UQCC1: variants seen among roughly 807,000 people sequenced by gnomAD.
The protein encoded by UQCC1 is ubiquinol-cytochrome c reductase complex assembly factor 1, also known as bFGF-repressed Zic-binding protein.
In UQCC1, 38 loss-of-function variants were observed where a neutral mutation model predicts 48.0. The ratio of observed to expected loss-of-function variants is 0.79; its 90% CI spans 0.61 to 1.04. The LOEUF (loss-of-function observed/expected upper bound fraction) is 1.04, where lower values mean the gene tolerates loss of function less well. Among genes scored for constraint, UQCC1 ranks in the 50% least tolerant of loss-of-function variants. The pLI is 0.00. For missense variants in UQCC1, 368 were observed against 381.8 expected (o/e 0.96, Z 0.30); for synonymous variants, 111 against 129.2 (o/e 0.86, Z 0.95).
chr20:35,403,024 G>A lies in UQCC1; in HGVS notation c.25-8828C>T, dbSNP rs1414027341. ...GGAGGTTGCAGTGACCTGAGATCGC[G>A]CCATTGCACTCCAGCCTAGGGGACA... On this transcript the variant is annotated intron_variant, in intron 1 of 9. Coordinates refer to ENST00000374385, the MANE Select transcript of UQCC1 (RefSeq NM_018244.5). Among the ~76,000 whole-genome samples the A allele has an allele frequency of 3.3e-5, 5 of 151,032 alleles. 1 individual carries two copies. Among genetic ancestry groups the A allele is most frequent in the South Asian group, 2.1e-4 (1 of 4,786 alleles).
chr20:35,345,483 TGA>T (rs1314024337), intron 7 of UQCC1: 2 of 152,174 alleles, frequency 1.3e-5, no homozygotes, highest in Middle Eastern at 3.4e-3. Context: ...TGTAATTGAG[TGA>T]GAGAGCTGAA....
Position 35,306,724 on chromosome 20 carries a change from T to C in UQCC1, c.707A>G (p.Asn236Ser), listed in dbSNP as rs371771638. The C allele has an allele frequency of 1.1e-5, 17 of 1,613,866 alleles. No individual in the cohort carries two copies. In the African/African-American group the frequency reaches 1.1e-4, roughly 10 times the overall value. ...ATGTCGAGGGTCTTCACATTTCCGG[T>C]TGAAGAAGGTTCTCCAGAGGGCAGC... ...LAAALWRTFF[N>S]RKCEDPRHLE... Residue 236 changes from asparagine (N) to serine (S), a missense_variant, in exon 9 of 10, where the codon AAC (asparagine) becomes AGC (serine). Transcript: ENST00000374385.
rs1019032181 is a variant in UQCC1 at position 35,401,640 on chromosome 20, T to A, written c.25-7444A>T. Among the ~76,000 whole-genome samples the A allele has an allele frequency of 2.0e-5, 3 of 150,190 alleles. No individual in the cohort carries two copies. In the East Asian group the frequency reaches 5.8e-4, roughly 29 times the overall value. ...GAATCTGTGAATAACGAAAATCAATTATAAACATGAAATCCACCTTTTTTT... is the reference window on the plus strand; with the variant it reads ...GAATCTGTGAATAACGAAAATCAATAATAAACATGAAATCCACCTTTTTTT... On this transcript the variant is annotated intron_variant, in intron 1 of 9. Transcript: ENST00000374385.
intron 7 of UQCC1, among the ~76,000 whole-genome samples, chr20:35,341,456 C>A (rs766639346): frequency 9.9e-5 from 15 of 152,100 alleles, no homozygotes; most frequent in Non-Finnish European, 1.9e-4. Context: ...CCCTGCCCCA[C>A]TTTTTCCAGT....
intron 7 of UQCC1, among the ~76,000 whole-genome samples, chr20:35,317,817 G>C (rs546998094): frequency 6.6e-6 from 1 of 152,324 alleles, no homozygotes; most frequent in South Asian, 2.1e-4. Flanking sequence ...AGTGTTTTAG[G>C]GGATTTTCTT....
chr20:35,405,456 A>G (rs377114283), intron 1 of UQCC1, among the ~76,000 whole-genome samples: 2 of 152,256 alleles, frequency 1.3e-5, no homozygotes, highest in African/African-American at 4.8e-5. Flanking sequence ...GCAAAGAAAC[A>G]ATAAAGTATG....
intron 7 of UQCC1, among the ~76,000 whole-genome samples, chr20:35,333,578 C>T (rs1275694992): frequency 2.6e-5 from 4 of 152,132 alleles, no homozygotes; most frequent in Admixed American, 6.5e-5. Context: ...CATAAATACA[C>T]GAGTGACTGT....
chr20:35,312,664 G>A (rs2061007344), intron 8 of UQCC1, among the ~76,000 whole-genome samples: 1 of 152,016 alleles, frequency 6.6e-6, no homozygotes, highest in African/African-American at 2.4e-5. Context: ...AAAAGCATAT[G>A]GTTAGTTTAA....
chr20:35,389,454 T>C (rs1268946950), intron 2 of UQCC1, among the ~76,000 whole-genome samples: 1 of 151,830 alleles, frequency 6.6e-6, no homozygotes, highest in African/African-American at 2.4e-5. Context: ...ATCAAGCTAT[T>C]CAGGAGGCTG....
At chr20:35,324,656 G>A (rs2061172456) in intron 7 of UQCC1, among the ~76,000 whole-genome samples, 1 of 152,182 alleles carries the variant, frequency 6.6e-6, no homozygotes, top group Non-Finnish European at 1.5e-5. Context: ...CACCCACTAG[G>A]ATGGCTATAA....
Position 35,324,531 on chromosome 20 carries a change from T to C in UQCC1, c.574-9766A>G, listed in dbSNP as rs575576784. Among the ~76,000 whole-genome samples, 4 of 152,332 alleles carry C rather than the reference T, an allele frequency of 2.6e-5. No individual in the cohort carries two copies. The East Asian group carries it at 7.7e-4, about 29-fold the overall frequency. ...TTAGTAGAGACGGGGTTTCACCGTG[T>C]TAGCCAGGATGGTCTCGATCTCCTG... On this transcript the variant is annotated intron_variant, in intron 7 of 9. Coordinates refer to ENST00000374385, the MANE Select transcript of UQCC1 (RefSeq NM_018244.5).
intron 7 of UQCC1, among the ~76,000 whole-genome samples, chr20:35,324,430 C>T (rs1198273438): frequency 1.3e-5 from 2 of 152,172 alleles, no homozygotes; most frequent in Non-Finnish European, 2.9e-5. Flanking sequence ...AGGTTCACGC[C>T]ATTCTCCTGC....
chr20:35,395,980 CT>C (rs1000858624), intron 1 of UQCC1, among the ~76,000 whole-genome samples: 1,055 of 99,208 alleles, frequency 0.011, 4 homozygotes, highest in African/African-American at 0.027. Context: ...TTTGCAATGT[CT>C]TTTTTTTTTT....
chr20:35,388,231 C>T (rs2061969339), intron 2 of UQCC1, among the ~76,000 whole-genome samples: 1 of 151,888 alleles, frequency 6.6e-6, no homozygotes. Flanking sequence ...ATCAGCCCAC[C>T]TTAGCCTCCC....
intron 1 of UQCC1, among the ~76,000 whole-genome samples, chr20:35,401,166 T>C (rs1268175231): frequency 1.3e-5 from 2 of 152,230 alleles, no homozygotes; most frequent in Non-Finnish European, 2.9e-5. Flanking sequence ...CCTTGTTTTA[T>C]TGGTTTCTGT....
In UQCC1 at chr20:35,341,218, CAAAAAAA is replaced by C. The variant is rs61675932; in HGVS notation, c.573+5939_573+5945del. On this transcript the variant is annotated intron_variant, in intron 7 of 9. Coordinates refer to ENST00000374385, the MANE Select transcript of UQCC1 (RefSeq NM_018244.5). ...TCTGGGTGACAGAGAGAGACTCCGT[CAAAAAAA>C]AAAAAAAAAAAAAGAAAGAAAGAAA... 2.0e-3 allele frequency among the ~76,000 whole-genome samples: 227 copies of C among 115,784 alleles called. 1 individual carries two copies. The highest frequency in any genetic ancestry group is 2.8e-3 in the Admixed American group (33 of 11,700). 76.0% of individuals were successfully genotyped at this position (115,784 alleles called of 152,430 possible).
chr20:35,346,579 GT>G (rs1189191525), intron 7 of UQCC1: 1 of 163,814 alleles, frequency 6.1e-6, no homozygotes, highest in Non-Finnish European at 1.3e-5. Context: ...ATATTCTAGT[GT>G]TTTGGTTTCA....
At chr20:35,411,337 A>C (rs2062360419) in intron 1 of UQCC1, among the ~76,000 whole-genome samples, 1 of 152,222 alleles carries the variant, frequency 6.6e-6, no homozygotes, top group Non-Finnish European at 1.5e-5. Context: ...GTAATCATTT[A>C]ACACCTATGA....
chr20:35,357,093 A>C (rs2061554196), intron 6 of UQCC1, among the ~76,000 whole-genome samples: 4 of 152,266 alleles, frequency 2.6e-5, no homozygotes, highest in Admixed American at 2.0e-4. Context: ...TGGTAAAAGA[A>C]AACTAAATAG....
Sources: allele counts gnomAD v4.1 joint callset (sites outside exome capture counted in the v4.1 genomes callset), GRCh38; gene constraint gnomAD v4.1.1; transcripts MANE v1.5; gene names NCBI Gene and HGNC (gene_info 2026-07-23, HGNC 2026-07-21).